The following MCTP1 variants were observed in gnomAD, a reference collection of about 807,000 sequenced individuals.
The protein encoded by MCTP1 is multiple C2 and transmembrane domain-containing protein 1.
Under a neutral mutation model 120.6 loss-of-function variants are expected in MCTP1, and 69 were observed. The observed-to-expected ratio is 0.57, with a 90% CI of 0.47 to 0.70. MCTP1 has a LOEUF of 0.70. Among genes scored for constraint, MCTP1 ranks in the 30% least tolerant of loss-of-function variants. MCTP1 has a pLI of 0.00. For synonymous variants in MCTP1, 529 were observed against 493.1 expected (o/e 1.07, Z -0.96); for missense variants, 1,203 against 1,248.8 (o/e 0.96, Z 0.55).
intron 1 of MCTP1, among the ~76,000 whole-genome samples, chr5:95,124,999 T>C (rs185098423): frequency 2.6e-5 from 4 of 152,344 alleles, no homozygotes; most frequent in Admixed American, 1.3e-4. Flanking sequence ...CCTTCAGTAG[T>C]GATCAGAGAT....
chr5:95,089,257 G>T (rs1250567114), intron 1 of MCTP1, among the ~76,000 whole-genome samples: 1 of 152,034 alleles, frequency 6.6e-6, no homozygotes, highest in Admixed American at 6.6e-5. Flanking sequence ...TTTTATTTCT[G>T]CATTTATAAA....
chr5:95,081,680 T>C, intron 1 of MCTP1: 1 of 1,309,636 alleles, frequency 7.6e-7, no homozygotes. Context: ...TTAAATAACG[T>C]AGCTTTAGAT....
chr5:95,019,888 A>G (rs1010494929), intron 1 of MCTP1, among the ~76,000 whole-genome samples: 1 of 152,122 alleles, frequency 6.6e-6, no homozygotes, highest in Non-Finnish European at 1.5e-5. Context: ...TTTTCTAAAC[A>G]ACTTTTCAAA....
rs775213196 is a variant in MCTP1, at chr5:94,710,876, G to C, written c.2772C>G (p.Leu924=). ...PFLSWLAIVA[L]CVFTAILYCI... ...AGTACAGGATGGCTGTGAACACACA[G>C]AGGGCTACAATGGCCAGCCAGCTTA... The change falls in exon 21 of 23, where the codon CTC becomes CTG. Residue 924 remains leucine, a synonymous_variant. Transcript: ENST00000515393. The C allele has an allele frequency of 1.9e-6, 3 of 1,613,080 alleles. No individual in the cohort carries two copies. The highest frequency in any genetic ancestry group is 1.1e-5 in the South Asian group (1 of 91,046).
At chr5:94,958,641 C>G (rs1056088003) in intron 2 of MCTP1, among the ~76,000 whole-genome samples, 3 of 152,142 alleles carry the variant, frequency 2.0e-5, no homozygotes, top group Non-Finnish European at 2.9e-5. Flanking sequence ...ACTATAAACA[C>G]CTCTACACAA....
intron 19 of MCTP1, among the ~76,000 whole-genome samples, chr5:94,740,903 C>A (rs1204064908): frequency 6.6e-6 from 1 of 152,186 alleles, no homozygotes; most frequent in African/African-American, 2.4e-5. Flanking sequence ...TCAAAGAAGA[C>A]TTCCTGGAGA....
intron 1 of MCTP1, among the ~76,000 whole-genome samples, chr5:95,036,911 T>TTCAC (rs141556044): frequency 7.8e-4 from 118 of 151,610 alleles, no homozygotes; most frequent in South Asian, 1.3e-3. Flanking sequence ...ATTTCATTCT[T>TTCAC]TCACTCACTC....
At chr5:94,896,656 C>A (rs1804063596) in intron 10 of MCTP1, among the ~76,000 whole-genome samples, 1 of 152,126 alleles carries the variant, frequency 6.6e-6, no homozygotes, top group Non-Finnish European at 1.5e-5. Flanking sequence ...TGCAAGCTGG[C>A]AATTTTCAGA....
chr5:95,033,401 T>C (rs1167980281), intron 1 of MCTP1, among the ~76,000 whole-genome samples: 1 of 152,056 alleles, frequency 6.6e-6, no homozygotes, highest in Non-Finnish European at 1.5e-5. Flanking sequence ...GTTTTATTTC[T>C]GGGATGCAAA....
intron 1 of MCTP1, among the ~76,000 whole-genome samples, chr5:95,185,556 G>T (rs1490076306): frequency 6.6e-6 from 1 of 152,210 alleles, no homozygotes; most frequent in Non-Finnish European, 1.5e-5. Context: ...ATCGAAGTGG[G>T]TGGATTGCCT....
At chr5:95,136,819 G>A (rs73777308) in intron 1 of MCTP1, among the ~76,000 whole-genome samples, 2,356 of 152,310 alleles carry the variant, frequency 0.015, 64 homozygotes, top group African/African-American at 0.054. Flanking sequence ...CTTCAAGGCA[G>A]AGCAATAGTC....
chr5:94,734,485 G>A (rs1330100715), intron 19 of MCTP1, among the ~76,000 whole-genome samples: 2 of 152,192 alleles, frequency 1.3e-5, no homozygotes, highest in African/African-American at 4.8e-5. Flanking sequence ...TGTGTCAGAT[G>A]ATGGGATTCA....
At position 95,167,477 on chromosome 5, in the gene MCTP1, T is replaced by C. The variant is rs554070203; in HGVS notation, c.720+116379A>G. 2.9e-3 allele frequency among the ~76,000 whole-genome samples: 443 copies of C among 152,310 alleles called. 6 individuals are homozygous for C. The highest frequency in any genetic ancestry group is 7.2e-4 in the Non-Finnish European group (49 of 68,026). On this transcript the variant is annotated intron_variant, in intron 1 of 22. Coordinates refer to ENST00000515393, the MANE Select transcript of MCTP1 (RefSeq NM_024717.7). ...TTTCTAGTTCTAGATCCCTGAGGAA[T>C]CGCCACACTGACTTCCACAATGGTC...
At position 94,710,886 on chromosome 5, in the gene MCTP1, A is replaced by C. The variant is rs751339830; in HGVS notation, c.2762T>G (p.Ile921Ser). ...WTVPFLSWLA[I>S]VALCVFTAIL... is the part of the protein sequence containing the mutation. The stretch of plus-strand genomic sequence containing the variant: ...GGCTGTGAACACACAGAGGGCTACA[A>C]TGGCCAGCCAGCTTAAGAATGGGAC... Residue 921 changes from isoleucine (I) to serine (S), a missense_variant, in exon 21 of 23, where the codon ATT becomes AGT. Ile to Ser is a moderately radical substitution (Grantham distance 142). Around this residue, in one of 2 missense-constraint regions of MCTP1, gnomAD observed 740 missense variants for 871.1 expected, o/e 0.85. Transcript: ENST00000515393. 1 of 1,613,002 alleles carries C rather than the reference A, an allele frequency of 6.2e-7. No individual in the cohort carries two copies.
chr5:94,816,088 G>A (rs1031227758), intron 17 of MCTP1, among the ~76,000 whole-genome samples: 3 of 152,132 alleles, frequency 2.0e-5, no homozygotes, highest in Admixed American at 6.6e-5. Flanking sequence ...AAAGAAGTAA[G>A]CTTTTTTTAA....
intron 1 of MCTP1, among the ~76,000 whole-genome samples, chr5:95,144,915 T>C (rs1760252435): frequency 6.6e-6 from 1 of 152,200 alleles, no homozygotes; most frequent in African/African-American, 2.4e-5. Context: ...GGAATAGTTT[T>C]TTTCCTACTT....
At chr5:95,228,460 A>C (rs1337644125) in intron 1 of MCTP1, among the ~76,000 whole-genome samples, 1 of 104,112 alleles carries the variant, frequency 9.6e-6, no homozygotes, top group African/African-American at 4.1e-5. Flanking sequence ...AAAAACTTCC[A>C]TGCAGCCAAA....
At chr5:95,260,261 T>C (rs1758349970) in intron 1 of MCTP1, among the ~76,000 whole-genome samples, 1 of 152,194 alleles carries the variant, frequency 6.6e-6, no homozygotes, top group African/African-American at 2.4e-5. Flanking sequence ...ACAGGTTGTG[T>C]GAGCCCCTTG....
At chr5:95,120,176 C>CAAAAAAAA (rs56354602) in intron 1 of MCTP1, among the ~76,000 whole-genome samples, 1 of 118,214 alleles carries the variant, frequency 8.5e-6, no homozygotes, top group African/African-American at 3.4e-5. Flanking sequence ...GACTCCATCT[C>CAAAAAAAA]AAAAAAAAAA....
Sources: gnomAD v4.1 joint callset for allele counts (sites outside exome capture counted in the v4.1 genomes callset) on GRCh38, gnomAD v4.1.1 for gene constraint, gnomAD v4.1.1 regional missense constraint, MANE v1.5 for transcripts, NCBI Gene and HGNC (gene_info 2026-07-23, HGNC 2026-07-21) for gene names.